The following PTPRD variants were observed in gnomAD, a reference collection of about 807,000 sequenced individuals.
PTPRD encodes the protein protein tyrosine phosphatase receptor type D.
A neutral mutation model predicts 214.5 loss-of-function variants in PTPRD; 34 were observed. That is an observed-to-expected ratio of 0.16 (90% CI 0.12 to 0.21). The LOEUF is 0.21. Ranked by LOEUF, PTPRD falls within the 10% of genes least tolerant of loss-of-function variation. The probability of loss-of-function intolerance (pLI) is 1.00; values close to 1 mark genes in which losing one functional copy is unlikely to be tolerated. For synonymous variants in PTPRD, 1,128 were observed against 845.7 expected (o/e 1.33, Z -5.79); for missense variants, 2,545 against 2,398.7 (o/e 1.06, Z -1.27).
intron 8 of PTPRD, among the ~76,000 whole-genome samples, chr9:9,423,329 T>C (rs2079547307): frequency 6.6e-6 from 1 of 152,128 alleles, no homozygotes; most frequent in Non-Finnish European, 1.5e-5. Context: ...TCTCTTTCTC[T>C]CCACTACACA....
At position 8,406,028 on chromosome 9, in the gene PTPRD, G is replaced by C. The variant is rs958103007; in HGVS notation, c.4087-1368C>G. ...CAGATTCCAGCCTCTAATTTACTAA[G>C]GATTATTAAACTGTTTTCCTTTCTT... On this transcript the variant is annotated intron_variant, in intron 35 of 45. Transcript: ENST00000381196. Among the ~76,000 whole-genome samples, 3 of 152,058 alleles carry C rather than the reference G, an allele frequency of 2.0e-5. No homozygotes were observed. In the East Asian group the frequency reaches 5.8e-4, roughly 29 times the overall value.
chr9:10,337,975 T>A (rs926208681), intron 3 of PTPRD, among the ~76,000 whole-genome samples: 125 of 151,708 alleles, frequency 8.2e-4, no homozygotes, highest in African/African-American at 2.7e-3. Flanking sequence ...AAAATTTTTT[T>A]TAAATTTATC....
chr9:9,276,391 T>C (rs369239184), intron 9 of PTPRD, among the ~76,000 whole-genome samples: 1 of 151,374 alleles, frequency 6.6e-6, no homozygotes, highest in East Asian at 2.0e-4. Flanking sequence ...TAGTCTAGAA[T>C]ATCAGAGGCC....
At chr9:8,935,558 C>T (rs912355574) in intron 11 of PTPRD, among the ~76,000 whole-genome samples, 46 of 152,186 alleles carry the variant, frequency 3.0e-4, no homozygotes, top group African/African-American at 8.4e-4. Flanking sequence ...CACAAACATA[C>T]TAAATAGATC....
intron 4 of PTPRD, among the ~76,000 whole-genome samples, chr9:10,009,451 C>A (rs10816276): frequency 0.48 from 73,523 of 151,682 alleles, 21,193 homozygotes; most frequent in Middle Eastern, 0.67. Context: ...GGTGGATTCA[C>A]AGATTTTTTC....
At chr9:10,387,602 A>G (rs1326918766) in intron 2 of PTPRD, among the ~76,000 whole-genome samples, 1 of 151,694 alleles carries the variant, frequency 6.6e-6, no homozygotes, top group African/African-American at 2.4e-5. Flanking sequence ...TCAACTTTGA[A>G]TAATACATTT....
At chr9:8,990,525 C>A (rs2099362272) in intron 11 of PTPRD, among the ~76,000 whole-genome samples, 1 of 152,266 alleles carries the variant, frequency 6.6e-6, no homozygotes, top group South Asian at 2.1e-4. Flanking sequence ...CCCTCCCCTG[C>A]CCTCCTGTCC....
chr9:10,489,299 C>G (rs1361860374), intron 2 of PTPRD, among the ~76,000 whole-genome samples: 1 of 152,138 alleles, frequency 6.6e-6, no homozygotes, highest in Non-Finnish European at 1.5e-5. Flanking sequence ...CTGACTGGCA[C>G]CTTATCCTAC....
At chr9:9,626,386 A>C (rs1276083496) in intron 7 of PTPRD, among the ~76,000 whole-genome samples, 1 of 152,148 alleles carries the variant, frequency 6.6e-6, no homozygotes, top group African/African-American at 2.4e-5. Context: ...AGTGCCTAAC[A>C]AGTCACAGGA....
At chr9:9,358,856 G>A (rs144726385) in intron 9 of PTPRD, among the ~76,000 whole-genome samples, 2 of 151,266 alleles carry the variant, frequency 1.3e-5, no homozygotes, top group Admixed American at 6.6e-5. Flanking sequence ...AACTCAAGGC[G>A]AGACGAACCA....
At chr9:9,185,289 A>G (rs2099930638) in intron 9 of PTPRD, among the ~76,000 whole-genome samples, 1 of 152,090 alleles carries the variant, frequency 6.6e-6, no homozygotes, top group Non-Finnish European at 1.5e-5. Flanking sequence ...GACATCTGAC[A>G]AGCAATATCA....
intron 12 of PTPRD, among the ~76,000 whole-genome samples, chr9:8,724,841 A>G (rs1157832721): frequency 6.6e-6 from 1 of 152,008 alleles, no homozygotes; most frequent in East Asian, 1.9e-4. Flanking sequence ...GTGATGCTGA[A>G]GTGGGAGGAT....
chr9:8,718,782 G>A (rs554634070), intron 12 of PTPRD, among the ~76,000 whole-genome samples: 40 of 152,238 alleles, frequency 2.6e-4, no homozygotes, highest in Admixed American at 9.2e-4. Context: ...TTTCCCACGT[G>A]AGCCAGGGAT....
intron 12 of PTPRD, among the ~76,000 whole-genome samples, chr9:8,653,133 G>A (rs1284278650): frequency 6.6e-6 from 1 of 152,122 alleles, no homozygotes; most frequent in Non-Finnish European, 1.5e-5. Context: ...ATCTAAAAAT[G>A]CCATGAAAGT....
At chr9:10,325,522 A>G (rs2096627614) in intron 3 of PTPRD, among the ~76,000 whole-genome samples, 2 of 151,962 alleles carry the variant, frequency 1.3e-5, no homozygotes, top group South Asian at 4.1e-4. Flanking sequence ...AAGAGAAAGT[A>G]ATAATGAGGA....
At chr9:9,864,151 C>A (rs1214536815) in intron 5 of PTPRD, among the ~76,000 whole-genome samples, 2 of 151,964 alleles carry the variant, frequency 1.3e-5, no homozygotes, top group African/African-American at 2.4e-5. Flanking sequence ...CTAAAAAATA[C>A]AAAAATTAGC....
chr9:8,791,506 G>A (rs1367977937), intron 11 of PTPRD, among the ~76,000 whole-genome samples: 1 of 147,306 alleles, frequency 6.8e-6, no homozygotes, highest in Non-Finnish European at 1.5e-5. Context: ...TTACAGGCAT[G>A]AGCCACCATG....
chr9:8,518,913 T>G (rs1024147642), intron 20 of PTPRD, among the ~76,000 whole-genome samples: 1 of 152,182 alleles, frequency 6.6e-6, no homozygotes, highest in African/African-American at 2.4e-5. Context: ...ACCAAAAGCT[T>G]GGCCAATTAG....
intron 12 of PTPRD, among the ~76,000 whole-genome samples, chr9:8,675,766 C>A (rs2097398557): frequency 6.6e-6 from 1 of 152,164 alleles, no homozygotes; most frequent in Non-Finnish European, 1.5e-5. Context: ...CGTCCCCACT[C>A]TGATTCAGTC....
Sources: gnomAD v4.1 joint callset for allele counts (sites outside exome capture counted in the v4.1 genomes callset) on GRCh38, gnomAD v4.1.1 for gene constraint, MANE v1.5 for transcripts, NCBI Gene and HGNC (gene_info 2026-07-23, HGNC 2026-07-21) for gene names.